The following TMEM117 variants were observed in gnomAD, a reference collection of about 807,000 sequenced individuals.
The protein encoded by TMEM117 is transmembrane protein 117.
TMEM117 carries 27 observed loss-of-function variants against 52.4 expected under a neutral mutation model. The observed-to-expected ratio is 0.51, with a 90% CI of 0.38 to 0.71. The LOEUF is 0.71. Among genes scored for constraint, TMEM117 ranks in the 30% least tolerant of loss-of-function variants. The pLI is 0.00. For synonymous variants in TMEM117, 215 were observed against 206.3 expected (o/e 1.04, Z -0.36); for missense variants, 556 against 630.5 (o/e 0.88, Z 1.26).
At chr12:43,807,932 G>A in the TMEM117 span, among the ~76,000 whole-genome samples, 123 of 152,212 alleles carry the variant, frequency 8.1e-4, 1 homozygote, top group African/African-American at 2.8e-3. Flanking sequence ...GATTTGTATG[G>A]TAGTTTACAG....
At chr12:44,244,971 G>A (rs1246657584) in intron 5 of TMEM117, among the ~76,000 whole-genome samples, 2 of 151,934 alleles carry the variant, frequency 1.3e-5, no homozygotes, top group East Asian at 3.9e-4. Context: ...GTATGTTCTT[G>A]TCTTCTTTGT....
chr12:43,811,847 C>T, the TMEM117 span, among the ~76,000 whole-genome samples: 1 of 152,162 alleles, frequency 6.6e-6, no homozygotes, highest in Non-Finnish European at 1.5e-5. Flanking sequence ...TCAGCTGAGA[C>T]CTGAAAATAT....
the TMEM117 span, chr12:43,804,452 C>A: frequency 8.2e-7 from 1 of 1,217,954 alleles, no homozygotes; most frequent in Non-Finnish European, 1.2e-6. Context: ...ATACAACAGC[C>A]ACTAATCCAG....
chr12:44,358,460 T>C (rs12322750), intron 6 of TMEM117, among the ~76,000 whole-genome samples: 4,871 of 152,198 alleles, frequency 0.032, 262 homozygotes, highest in African/African-American at 0.11. Flanking sequence ...ATCAGGTAGT[T>C]GTTGGCTATG....
chr12:44,025,260 T>C (rs74084604), intron 3 of TMEM117, among the ~76,000 whole-genome samples: 1,701 of 152,294 alleles, frequency 0.011, 35 homozygotes, highest in African/African-American at 0.039. Flanking sequence ...ACAGATACGG[T>C]TCAGGGGCAC....
the TMEM117 span, among the ~76,000 whole-genome samples, chr12:43,801,751 T>G: frequency 5.9e-5 from 9 of 152,078 alleles, no homozygotes; most frequent in Non-Finnish European, 1.2e-4. Context: ...CAAATTAGGT[T>G]GGACACAGTG....
intron 4 of TMEM117, among the ~76,000 whole-genome samples, chr12:44,207,573 A>G (rs73100841): frequency 0.11 from 16,350 of 152,184 alleles, 976 homozygotes; most frequent in Middle Eastern, 0.2. Context: ...CTAATAGTTC[A>G]GTATATGATA....
intron 2 of TMEM117, among the ~76,000 whole-genome samples, chr12:43,913,684 A>G (rs1453138121): frequency 3.3e-5 from 5 of 152,220 alleles, no homozygotes; most frequent in Non-Finnish European, 7.3e-5. Context: ...CTTTTACAGT[A>G]TGCATTATAT....
chr12:44,308,461 TA>T (rs1217702175), intron 6 of TMEM117, among the ~76,000 whole-genome samples: 2 of 151,816 alleles, frequency 1.3e-5, no homozygotes, highest in South Asian at 4.2e-4. Context: ...TTGTACCCAG[TA>T]AAAAAAAGTG....
intron 3 of TMEM117, among the ~76,000 whole-genome samples, chr12:44,037,855 C>T (rs949221400): frequency 2.0e-5 from 3 of 151,626 alleles, no homozygotes; most frequent in Non-Finnish European, 4.4e-5. Context: ...GGTCTCCTCT[C>T]TGCTGAGAGA....
intron 2 of TMEM117, among the ~76,000 whole-genome samples, chr12:43,924,386 A>G (rs1011596351): frequency 6.6e-6 from 1 of 152,206 alleles, no homozygotes; most frequent in African/African-American, 2.4e-5. Flanking sequence ...AGACATCAAC[A>G]TTCTGACTGA....
intron 3 of TMEM117, among the ~76,000 whole-genome samples, chr12:44,092,033 C>T (rs1318975639): frequency 6.6e-6 from 1 of 152,118 alleles, no homozygotes; most frequent in Non-Finnish European, 1.5e-5. Context: ...ATAGCCATCC[C>T]ATGTGACACA....
chr12:44,183,864 C>T (rs1196661978), intron 4 of TMEM117, among the ~76,000 whole-genome samples: 1 of 152,164 alleles, frequency 6.6e-6, no homozygotes, highest in Non-Finnish European at 1.5e-5. Flanking sequence ...GACTACTTCC[C>T]TCACATTTCA....
intron 4 of TMEM117, among the ~76,000 whole-genome samples, chr12:44,145,392 C>T (rs1015084355): frequency 2.6e-5 from 4 of 152,014 alleles, no homozygotes; most frequent in African/African-American, 2.4e-5. Context: ...GACCTGACCA[C>T]CTATGGTTCG....
At chr12:44,377,368 A>C (rs1022360345) in intron 7 of TMEM117, among the ~76,000 whole-genome samples, 6 of 152,176 alleles carry the variant, frequency 3.9e-5, no homozygotes, top group Non-Finnish European at 8.8e-5. Flanking sequence ...ATCAGAACAT[A>C]TGTCTTTAGG....
chr12:44,135,488 A>C (rs1645351895), intron 3 of TMEM117, among the ~76,000 whole-genome samples: 1 of 152,218 alleles, frequency 6.6e-6, no homozygotes, highest in South Asian at 2.1e-4. Context: ...GTAAAAAGAC[A>C]GTTCCCTTCT....
At chr12:44,160,139 A>C (rs745812793) in intron 4 of TMEM117, among the ~76,000 whole-genome samples, 2 of 152,178 alleles carry the variant, frequency 1.3e-5, no homozygotes, top group African/African-American at 4.8e-5. Context: ...GAATGTGTAG[A>C]TGTCCAATCC....
At chr12:44,116,419 C>T (rs1948144457) in intron 3 of TMEM117, among the ~76,000 whole-genome samples, 1 of 151,802 alleles carries the variant, frequency 6.6e-6, no homozygotes, top group African/African-American at 2.4e-5. Flanking sequence ...GCACTTCTAG[C>T]CTGAATATTT....
chr12:43,990,571 A>G lies in TMEM117; in HGVS notation c.410+46229A>G, dbSNP rs188477251. ...TGGTCCATTCCTCTGAAATATATAC[A>G]TTTAATAGGATTTGTGTGCCTCTTT... On this transcript the variant is annotated intron_variant, in intron 3 of 7. Coordinates refer to ENST00000266534, the MANE Select transcript of TMEM117 (RefSeq NM_032256.3). Among the ~76,000 whole-genome samples the G allele has an allele frequency of 4.5e-4, 68 of 152,284 alleles. 1 individual carries two copies. The East Asian group carries it at 9.8e-3, about 22-fold the overall frequency.
Sources: gnomAD v4.1 joint callset for allele counts (sites outside exome capture counted in the v4.1 genomes callset) on GRCh38, gnomAD v4.1.1 for gene constraint, MANE v1.5 for transcripts, NCBI Gene and HGNC (gene_info 2026-07-23, HGNC 2026-07-21) for gene names.